The following ARHGAP15 variants were observed in gnomAD, a reference collection of about 807,000 sequenced individuals.
ARHGAP15 encodes the protein Rho GTPase activating protein 15.
ARHGAP15 carries 51 observed loss-of-function variants against 63.7 expected under a neutral mutation model. That is an observed-to-expected ratio of 0.80 (90% CI 0.64 to 1.01). The LOEUF is 1.01. Among genes scored for constraint, ARHGAP15 ranks in the 50% least tolerant of loss-of-function variants. The pLI is 0.00. For missense variants in ARHGAP15, 560 were observed against 564.6 expected (o/e 0.99, Z 0.08); for synonymous variants, 191 against 193.8 (o/e 0.99, Z 0.12).
chr2:143,476,445 C>T (rs976942490), intron 8 of ARHGAP15, among the ~76,000 whole-genome samples: 6 of 152,028 alleles, frequency 3.9e-5, no homozygotes, highest in South Asian at 2.1e-4. Context: ...AGCATATGCC[C>T]AAAGTTGGCT....
chr2:143,523,127 T>C (rs1694124837), intron 10 of ARHGAP15, among the ~76,000 whole-genome samples: 1 of 152,136 alleles, frequency 6.6e-6, no homozygotes, highest in African/African-American at 2.4e-5. Context: ...TCAATAAATA[T>C]TGGTTAAATG....
At chr2:143,283,962 C>A (rs567884157) in intron 6 of ARHGAP15, among the ~76,000 whole-genome samples, 2 of 152,212 alleles carry the variant, frequency 1.3e-5, no homozygotes, top group Non-Finnish European at 2.9e-5. Flanking sequence ...TTCCCCTCAT[C>A]TAAGCACCAG....
chr2:143,673,169 A>G (rs1041381759), intron 12 of ARHGAP15, among the ~76,000 whole-genome samples: 1 of 152,224 alleles, frequency 6.6e-6, no homozygotes, highest in African/African-American at 2.4e-5. Context: ...TTACTTTACA[A>G]CATATACAGC....
At chr2:143,358,639 G>A (rs1685906896) in intron 6 of ARHGAP15, among the ~76,000 whole-genome samples, 1 of 150,734 alleles carries the variant, frequency 6.6e-6, no homozygotes, top group Non-Finnish European at 1.5e-5. Context: ...TAAATATGCT[G>A]CATGGATGAA....
Position 143,468,173 on chromosome 2 carries a change from C to A in ARHGAP15, c.704-19200C>A, listed in dbSNP as rs533355185. ...CTAAAAATTTCAAGGGGAATGGGAA[C>A]AAGTTTTTTCTGGTTTTTTTTTTCT... On this transcript the variant is annotated intron_variant, in intron 8 of 13. Transcript: ENST00000295095. Among the ~76,000 whole-genome samples the A allele has an allele frequency of 6.0e-4, 91 of 151,518 alleles. 1 individual carries two copies. In the Middle Eastern group the frequency reaches 0.027, roughly 46 times the overall value.
intron 11 of ARHGAP15, among the ~76,000 whole-genome samples, chr2:143,569,935 G>C (rs1421016948): frequency 6.6e-6 from 1 of 152,020 alleles, no homozygotes; most frequent in Non-Finnish European, 1.5e-5. Context: ...GAGAAGAGTG[G>C]CCCAGGAGTT....
At position 143,487,392 on chromosome 2, in the gene ARHGAP15, T is replaced by C; in HGVS notation, c.723T>C (p.Ser241=). ...RKSLMFRLHH[S]ASDTSDKNRV... The stretch of plus-strand genomic sequence containing the variant: ...CTTCAGTGTTCAGACTGCATCACAG[T>C]GCTTCCGATACAAGCGACAAAAATC... The change falls in exon 9 of 14, where the codon AGT becomes AGC. Residue 241 remains serine, a synonymous_variant. Coordinates refer to ENST00000295095, the MANE Select transcript of ARHGAP15 (RefSeq NM_018460.4). 1 of 1,613,582 alleles carries C rather than the reference T, an allele frequency of 6.2e-7. No individual in the cohort carries two copies. The highest frequency in any genetic ancestry group is 8.5e-7 in the Non-Finnish European group (1 of 1,179,812).
chr2:143,259,563 C>T (rs1008231260), intron 6 of ARHGAP15, among the ~76,000 whole-genome samples: 3 of 152,046 alleles, frequency 2.0e-5, no homozygotes, highest in African/African-American at 7.3e-5. Flanking sequence ...AGCATTGCTG[C>T]CATCTGGTGG....
chr2:143,247,993 G>A (rs987657270), intron 5 of ARHGAP15, among the ~76,000 whole-genome samples: 4 of 152,132 alleles, frequency 2.6e-5, no homozygotes, highest in African/African-American at 9.7e-5. Context: ...CAACAACTAT[G>A]TGCCAGGCAC....
intron 2 of ARHGAP15, among the ~76,000 whole-genome samples, chr2:143,186,914 G>T (rs1331477418): frequency 1.3e-5 from 2 of 152,110 alleles, no homozygotes; most frequent in Non-Finnish European, 1.5e-5. Context: ...ATCCTATTTT[G>T]GCAGCTTCCC....
At chr2:143,659,785 G>A (rs1176126626) in intron 12 of ARHGAP15, among the ~76,000 whole-genome samples, 1 of 152,154 alleles carries the variant, frequency 6.6e-6, no homozygotes, top group Non-Finnish European at 1.5e-5. Flanking sequence ...ATTAGTTCTA[G>A]AAGTCTTTTG....
chr2:143,157,214 T>C (rs1690116387), intron 2 of ARHGAP15, among the ~76,000 whole-genome samples: 1 of 151,908 alleles, frequency 6.6e-6, no homozygotes, highest in Admixed American at 6.6e-5. Flanking sequence ...TTAATAACTT[T>C]CATGTGTTTA....
At chr2:143,581,630 C>A (rs559798009) in intron 11 of ARHGAP15, among the ~76,000 whole-genome samples, 3 of 152,224 alleles carry the variant, frequency 2.0e-5, no homozygotes, top group Admixed American at 6.5e-5. Context: ...GGCTTGTTAC[C>A]TTTACCTCTA....
intron 6 of ARHGAP15, among the ~76,000 whole-genome samples, chr2:143,422,251 A>G (rs573907201): frequency 3.3e-5 from 5 of 152,162 alleles, no homozygotes; most frequent in African/African-American, 9.7e-5. Context: ...TCCCCAGGAT[A>G]CTAGAGAATG....
At chr2:143,320,462 C>A (rs1011403896) in intron 6 of ARHGAP15, among the ~76,000 whole-genome samples, 1 of 134,058 alleles carries the variant, frequency 7.5e-6, no homozygotes, top group African/African-American at 2.8e-5. Context: ...CAGCATTCAC[C>A]CAGGGCCCAG....
intron 12 of ARHGAP15, among the ~76,000 whole-genome samples, chr2:143,692,760 T>G (rs1683666395): frequency 6.6e-6 from 1 of 152,182 alleles, no homozygotes; most frequent in Non-Finnish European, 1.5e-5. Flanking sequence ...CTCCTCCCCT[T>G]GGCCTCCAAA....
intron 12 of ARHGAP15, among the ~76,000 whole-genome samples, chr2:143,650,728 G>T (rs1255456141): frequency 1.3e-5 from 2 of 151,952 alleles, no homozygotes; most frequent in East Asian, 3.9e-4. Context: ...GGTACGTACT[G>T]AAGATGAAAT....
intron 3 of ARHGAP15, among the ~76,000 whole-genome samples, chr2:143,208,832 T>G (rs745972345): frequency 6.6e-6 from 1 of 152,186 alleles, no homozygotes; most frequent in South Asian, 2.1e-4. Context: ...ATCTTGTTTA[T>G]TTTTATCAAC....
chr2:143,153,687 C>T (rs1298324018), intron 1 of ARHGAP15, among the ~76,000 whole-genome samples: 3 of 151,918 alleles, frequency 2.0e-5, no homozygotes, highest in African/African-American at 7.2e-5. Flanking sequence ...TTGCCTCTAT[C>T]CTTTCCCTAA....
Sources: gnomAD v4.1 joint callset for allele counts (sites outside exome capture counted in the v4.1 genomes callset) on GRCh38, gnomAD v4.1.1 for gene constraint, MANE v1.5 for transcripts, NCBI Gene and HGNC (gene_info 2026-07-23, HGNC 2026-07-21) for gene names.